The following PLCG2 variants were observed in gnomAD, a reference collection of about 807,000 sequenced individuals.
PLCG2 encodes phospholipase C gamma 2.
In PLCG2, 69 loss-of-function variants were observed where a neutral mutation model predicts 175.6. The observed-to-expected ratio is 0.39, with a 90% CI of 0.32 to 0.48. The LOEUF is 0.48. Among genes scored for constraint, PLCG2 ranks in the 20% least tolerant of loss-of-function variants. The pLI is 0.91. For missense variants in PLCG2, 1,798 were observed against 1,650.9 expected (o/e 1.09, Z -1.54); for synonymous variants, 827 against 624.0 (o/e 1.33, Z -4.85).
intron 29 of PLCG2, among the ~76,000 whole-genome samples, chr16:81,939,359 G>A (rs2050927427): frequency 6.6e-6 from 1 of 152,188 alleles, no homozygotes; most frequent in African/African-American, 2.4e-5. Flanking sequence ...GGAAAAGCCA[G>A]GAGGGAACCG....
chr16:81,882,186 T>G (rs1908116125), intron 8 of PLCG2, among the ~76,000 whole-genome samples: 1 of 152,200 alleles, frequency 6.6e-6, no homozygotes, highest in Non-Finnish European at 1.5e-5. Context: ...AAGCCCCGTG[T>G]AGCAGAATGT....
At chr16:81,933,088 C>G (rs1910571272) in intron 25 of PLCG2, among the ~76,000 whole-genome samples, 1 of 152,254 alleles carries the variant, frequency 6.6e-6, no homozygotes, top group African/African-American at 2.4e-5. Context: ...CACCTCCTCT[C>G]CTGCCGCGTG....
At chr16:81,930,428 T>A (rs1910452150) in intron 24 of PLCG2, among the ~76,000 whole-genome samples, 2 of 152,134 alleles carry the variant, frequency 1.3e-5, no homozygotes, top group Non-Finnish European at 1.5e-5. Context: ...TGCACATGGC[T>A]TTCTCCCTTG....
intron 14 of PLCG2, among the ~76,000 whole-genome samples, chr16:81,902,291 C>T (rs76668053): frequency 2.6e-5 from 4 of 152,166 alleles, no homozygotes; most frequent in Non-Finnish European, 4.4e-5. Flanking sequence ...TCTGTTCCTG[C>T]AGCTATCACA....
At chr16:81,956,931 T>G (rs2143781375) in intron 32 of PLCG2, 52 bp downstream of exon 32, 33 of 1,476,134 alleles carry the variant, frequency 2.2e-5, no homozygotes, top group Non-Finnish European at 2.9e-5. Flanking sequence ...CTAGGCACGG[T>G]GATGATGGGC....
chr16:81,944,852 T>C (rs995169612), intron 30 of PLCG2, among the ~76,000 whole-genome samples: 5 of 152,136 alleles, frequency 3.3e-5, no homozygotes, highest in Admixed American at 6.5e-5. Context: ...GAGTCCCCCA[T>C]AGATATCAAG....
intron 22 of PLCG2, among the ~76,000 whole-genome samples, chr16:81,925,453 G>C (rs759029683): frequency 7.0e-6 from 1 of 142,532 alleles, no homozygotes. Context: ...GAAATGGTGC[G>C]GGGGGGCGTG....
chr16:81,912,549 A>T, intron 18 of PLCG2, 48 bp from the exon 19 acceptor site: 1 of 1,604,624 alleles, frequency 6.2e-7, no homozygotes, highest in Admixed American at 1.7e-5. Flanking sequence ...GCCCACTGAC[A>T]GCCTGGAGAC....
chr16:81,932,830 C>G (rs1008692750), intron 25 of PLCG2, among the ~76,000 whole-genome samples: 3 of 152,250 alleles, frequency 2.0e-5, no homozygotes, highest in African/African-American at 7.2e-5. Flanking sequence ...GCTTTTCACA[C>G]CACCAGCCAT....
intron 9 of PLCG2, among the ~76,000 whole-genome samples, chr16:81,884,557 A>G (rs1908260113): frequency 6.6e-6 from 1 of 152,138 alleles, no homozygotes; most frequent in African/African-American, 2.4e-5. Context: ...GATTGAGAGC[A>G]TCTACCTCTG....
chr16:81,795,550 T>C (rs557384378), intron 2 of PLCG2, among the ~76,000 whole-genome samples: 1 of 152,344 alleles, frequency 6.6e-6, no homozygotes, highest in Non-Finnish European at 1.5e-5. Flanking sequence ...TGGGACTCTG[T>C]GCTATCATCT....
At chr16:81,931,268 G>A in intron 24 of PLCG2, 1 of 402,726 alleles carries the variant, frequency 2.5e-6, no homozygotes. Flanking sequence ...ACAGGTACTG[G>A]TGACCTGACA....
Position 81,786,206 on chromosome 16 carries a change from G to C in PLCG2, c.193+24G>C, listed in dbSNP as rs372830469. Reference sequence around the variant, plus strand: ...CTGTGAGTACTCGCTGGGTGGGGCAGTGTGGCCCGTCCTCTGGGGCCCTGG... The same window carrying C: ...CTGTGAGTACTCGCTGGGTGGGGCACTGTGGCCCGTCCTCTGGGGCCCTGG... On this transcript the variant is annotated intron_variant, in intron 2 of 32. Coordinates refer to ENST00000564138, the MANE Select transcript of PLCG2 (RefSeq NM_002661.5). The C allele has an allele frequency of 1.5e-4, 234 of 1,604,464 alleles. 1 individual carries two copies. Among genetic ancestry groups the C allele is most frequent in the Middle Eastern group, 1.9e-4 (1 of 5,320 alleles).
chr16:81,885,574 T>G (rs555193690), intron 9 of PLCG2, among the ~76,000 whole-genome samples: 1 of 152,330 alleles, frequency 6.6e-6, no homozygotes, highest in African/African-American at 2.4e-5. Flanking sequence ...CCCCAGACTT[T>G]GCGTCATTTT....
intron 2 of PLCG2, among the ~76,000 whole-genome samples, chr16:81,851,371 C>A (rs935826413): frequency 6.6e-6 from 1 of 152,142 alleles, no homozygotes; most frequent in African/African-American, 2.4e-5. Context: ...ACATACACTC[C>A]GTTTTCTTGT....
Position 81,931,660 on chromosome 16 carries a change from C to T in PLCG2, c.2739+6C>T. ...CCTGGAAGATTGACACCAAGGTAGG[C>T]ACCTGCTCACCCGGGTGCAGGTGGG... On this transcript the variant is annotated splice_donor_region_variant and intron_variant, in intron 25 of 32. Coordinates refer to ENST00000564138, the MANE Select transcript of PLCG2 (RefSeq NM_002661.5). 6.2e-7 allele frequency: 1 copy of T among 1,612,396 alleles called. No individual in the cohort carries two copies. The highest frequency in any genetic ancestry group is 8.5e-7 in the Non-Finnish European group (1 of 1,178,702).
chr16:81,872,613 AG>A (rs1215981767), intron 7 of PLCG2, among the ~76,000 whole-genome samples: 1 of 152,272 alleles, frequency 6.6e-6, no homozygotes, highest in Non-Finnish European at 1.5e-5. Context: ...AGTACCTGGT[AG>A]GTGGCACACA....
chr16:81,777,725 G>T (rs1381828537), upstream of PLCG2, among the ~76,000 whole-genome samples: 2 of 151,862 alleles, frequency 1.3e-5, no homozygotes, highest in African/African-American at 4.8e-5. Context: ...ATTAAAAAAC[G>T]CTATAACAGG....
chr16:81,750,004 C>A (rs1909776061), intron 1 of PLCG2, among the ~76,000 whole-genome samples: 1 of 151,728 alleles, frequency 6.6e-6, no homozygotes. Context: ...CTGCAATATA[C>A]CGTTAAGTAA....
Sources: allele counts gnomAD v4.1 joint callset (sites outside exome capture counted in the v4.1 genomes callset), GRCh38; gene constraint gnomAD v4.1.1; transcripts MANE v1.5; gene names NCBI Gene and HGNC (gene_info 2026-07-23, HGNC 2026-07-21).